The following AFF2 variants were observed in gnomAD, a reference collection of about 807,000 sequenced individuals.
AFF2 encodes the protein AF4/FMR2 family member 2.
A neutral mutation model predicts 76.9 loss-of-function variants in AFF2; 14 were observed. That is an observed-to-expected ratio of 0.18 (90% CI 0.12 to 0.28). The LOEUF (loss-of-function observed/expected upper bound fraction) is 0.28. AFF2 is among the 10% of genes least tolerant of loss of function. The pLI, the probability that AFF2 is intolerant of heterozygous loss-of-function variation, is 1.00. For missense variants in AFF2, 868 were observed against 1,001.1 expected, an observed-to-expected ratio of 0.87 and a Z score of 1.79; for synonymous variants, 398 against 366.7, an observed-to-expected ratio of 1.09 and a Z score of -0.98.
At chrX:148,847,148 T>C (rs2070677662) in intron 7 of AFF2, among the ~76,000 whole-genome samples, 1 of 112,297 alleles carries the variant, frequency 8.9e-6, no homozygotes, top group South Asian at 3.7e-4. Flanking sequence ...GTTGGATTGA[T>C]TCATCTAGTG....
chrX:148,982,815 T>C (rs2072411155), intron 19 of AFF2, among the ~76,000 whole-genome samples: 1 of 111,914 alleles, frequency 8.9e-6, no homozygotes, highest in Admixed American at 9.4e-5. Flanking sequence ...CCAGGAAACT[T>C]TTTATTTAAA....
intron 7 of AFF2, among the ~76,000 whole-genome samples, chrX:148,854,236 T>G (rs1234940878): frequency 3.6e-5 from 4 of 111,993 alleles, no homozygotes; most frequent in Non-Finnish European, 7.5e-5. Context: ...GCCTCTTAAT[T>G]GAAATAATCT....
At chrX:148,752,279 A>G (rs1440076306) in intron 3 of AFF2, among the ~76,000 whole-genome samples, 3 of 112,030 alleles carry the variant, frequency 2.7e-5, no homozygotes, top group Non-Finnish European at 5.6e-5. Flanking sequence ...AAGTTATAAT[A>G]TGAACTTTGT....
intron 1 of AFF2, among the ~76,000 whole-genome samples, chrX:148,608,800 T>A (rs1445620521): frequency 9.0e-6 from 1 of 111,675 alleles, no homozygotes; most frequent in Non-Finnish European, 1.9e-5. Context: ...TGTCCTGAAA[T>A]CCAATCTTAG....
Position 148,953,708 on chromosome X carries a change from C to A in AFF2, c.1526C>A (p.Ser509Tyr), listed in dbSNP as rs887875396. The A allele has an allele frequency of 8.3e-7, 1 of 1,210,447 alleles. No homozygotes were observed. The highest frequency in any genetic ancestry group is 1.8e-5 in the South Asian group (1 of 56,812). ...DTESSTTDSE[S>Y]NEAPRVATPE... is the part of the protein sequence containing the mutation. ...GAAAGTAGCACCACTGACAGCGAAT[C>A]TAATGAGGCACCTCGTGTGGCAACT... is the stretch of plus-strand genomic sequence containing the variant. The change falls in exon 10 of 21, where the codon TCT becomes TAT. Residue 509 changes from serine to tyrosine, a missense_variant. By Grantham distance (144) the Ser-to-Tyr change is moderately radical. Transcript: ENST00000370460.
chrX:148,597,943 A>G (rs1411564886), intron 1 of AFF2, among the ~76,000 whole-genome samples: 1 of 112,593 alleles, frequency 8.9e-6, no homozygotes, highest in Non-Finnish European at 1.9e-5. Context: ...CAGTGACAAC[A>G]TTAATGCGTA....
At chrX:148,748,114 G>A (rs992968912) in intron 3 of AFF2, among the ~76,000 whole-genome samples, 2 of 111,903 alleles carry the variant, frequency 1.8e-5, no homozygotes, top group African/African-American at 3.2e-5. Flanking sequence ...TTAATTGGAT[G>A]TTAAATCAAA....
At chrX:148,806,397 G>A (rs782366803) in intron 3 of AFF2, among the ~76,000 whole-genome samples, 9 of 111,901 alleles carry the variant, frequency 8.0e-5, no homozygotes, top group East Asian at 5.7e-4. Context: ...CATATGGAGC[G>A]AGGACTACGG....
intron 13 of AFF2, among the ~76,000 whole-genome samples, chrX:148,964,835 T>G (rs1171932025): frequency 1.8e-5 from 2 of 112,462 alleles, no homozygotes; most frequent in East Asian, 5.5e-4. Context: ...ATAAAAATAA[T>G]AAGTTGAATA....
rs1190137300 is a variant in AFF2 at position 148,995,478 on chromosome X, TGGGGGTGGGGGCG to T, written c.*4152_*4164del. On this transcript the variant is annotated 3_prime_UTR_variant, in exon 21 of 21. Transcript: ENST00000370460. ...CATTGTGGGGAGGGCAGAAAGGGGGTGGGGGTGGGGGCGGGGGGGTGGGGGGTGGGGAAGCCCC... is the reference window on the plus strand; with the variant it reads ...CATTGTGGGGAGGGCAGAAAGGGGGTGGGGGGTGGGGGGTGGGGAAGCCCC... The T allele has an allele frequency of 6.4e-5, 1 of 15,530 alleles. No individual in the cohort carries two copies. Among genetic ancestry groups the T allele is most frequent in the African/African-American group, 7.9e-5 (1 of 12,668 alleles). The allele number at this position is 15,530 out of a possible 1,213,427, so 1.3% of individuals were successfully genotyped here. A position where few individuals can be genotyped will look rare whatever the true frequency, so the allele number is the denominator to read the frequency against.
chrX:148,544,022 G>A (rs1010353642), intron 1 of AFF2, among the ~76,000 whole-genome samples: 1 of 111,788 alleles, frequency 8.9e-6, no homozygotes, highest in African/African-American at 3.3e-5. Flanking sequence ...ACATCGAAAA[G>A]GTCAACTCAG....
At chrX:148,863,687 T>A (rs2070875108) in intron 7 of AFF2, among the ~76,000 whole-genome samples, 1 of 111,625 alleles carries the variant, frequency 9.0e-6, no homozygotes, top group Non-Finnish European at 1.9e-5. Context: ...GCTTATCTTG[T>A]AAAATTGAGG....
intron 1 of AFF2, among the ~76,000 whole-genome samples, chrX:148,549,397 T>C (rs371438797): frequency 8.9e-6 from 1 of 112,343 alleles, no homozygotes; most frequent in East Asian, 2.8e-4. Flanking sequence ...CTTATTCAGT[T>C]TGCACAGTGT....
At chrX:148,753,048 G>C (rs1179984601) in intron 3 of AFF2, among the ~76,000 whole-genome samples, 2 of 111,441 alleles carry the variant, frequency 1.8e-5, no homozygotes, top group African/African-American at 6.5e-5. Flanking sequence ...GAGAACTTGA[G>C]CAGCCATTTG....
intron 9 of AFF2, among the ~76,000 whole-genome samples, chrX:148,936,995 C>T (rs1283028101): frequency 8.9e-6 from 1 of 112,149 alleles, no homozygotes; most frequent in Non-Finnish European, 1.9e-5. Flanking sequence ...AGTGCAGGCT[C>T]CAGCCTTCTC....
At chrX:148,735,241 A>G (rs1216676331) in intron 3 of AFF2, among the ~76,000 whole-genome samples, 1 of 112,550 alleles carries the variant, frequency 8.9e-6, no homozygotes, top group Non-Finnish European at 1.9e-5. Context: ...TCTCTGATGC[A>G]CAGTTCTCTT....
At chrX:148,739,731 G>A (rs970126734) in intron 3 of AFF2, among the ~76,000 whole-genome samples, 5 of 110,824 alleles carry the variant, frequency 4.5e-5, no homozygotes, top group Admixed American at 1.9e-4. Flanking sequence ...TTGTATTTTC[G>A]TTTTATAGGT....
At chrX:148,684,800 G>A (rs2054584759) in intron 3 of AFF2, among the ~76,000 whole-genome samples, 1 of 112,300 alleles carries the variant, frequency 8.9e-6, no homozygotes, top group African/African-American at 3.2e-5. Context: ...CATTGCAGCT[G>A]CACATTGTCG....
At chrX:148,839,892 A>C (rs2070575056) in intron 5 of AFF2, among the ~76,000 whole-genome samples, 1 of 66,820 alleles carries the variant, frequency 1.5e-5, no homozygotes, top group South Asian at 1.1e-3. Flanking sequence ...GTGTTGGGGC[A>C]TGGTGTGTGT....
Sources: allele counts gnomAD v4.1 joint callset (sites outside exome capture counted in the v4.1 genomes callset), GRCh38; gene constraint gnomAD v4.1.1; transcripts MANE v1.5; gene names NCBI Gene and HGNC (gene_info 2026-07-23, HGNC 2026-07-21).